The following AACS variants were observed in gnomAD, a reference collection of about 807,000 sequenced individuals.
AACS encodes acetoacetyl-CoA synthetase.
Under a neutral mutation model 83.1 loss-of-function variants are expected in AACS, and 69 were observed. The observed-to-expected ratio is 0.83, with a 90% CI of 0.68 to 1.01. The LOEUF is 1.01. Ranked by LOEUF, AACS falls within the 50% of genes least tolerant of loss-of-function variation. AACS has a pLI of 0.00. For missense variants in AACS, 866 were observed against 882.2 expected, an observed-to-expected ratio of 0.98 and a Z score of 0.23; for synonymous variants, 333 against 343.4, an observed-to-expected ratio of 0.97 and a Z score of 0.33.
Position 125,073,904 on chromosome 12 carries a change from C to T in AACS, c.162C>T (p.Ser54=), listed in dbSNP as rs1231136341. The change falls in exon 2 of 18, where the codon TCC becomes TCT. Residue 54 remains serine (S), a synonymous_variant. Transcript: ENST00000316519. ...GTTATGATGACTTGTACCATTGGTC[C>T]GTTGAGTCATATTCAGACTTCTGGG... ...LESYDDLYHW[S]VESYSDFWAE... The T allele has an allele frequency of 9.9e-6, 16 of 1,613,872 alleles. No individual in the cohort carries two copies. The highest frequency in any genetic ancestry group is 2.2e-5 in the South Asian group (2 of 91,044).
Position 125,076,572 on chromosome 12 carries a change from C to T in AACS, c.319C>T (p.Arg107Trp), listed in dbSNP as rs77474358. 2.0e-5 allele frequency: 32 copies of T among 1,613,962 alleles called. No homozygotes were observed. Among genetic ancestry groups the T allele is most frequent in the East Asian group, 1.8e-4 (8 of 44,896 alleles). ...SRLNYAENLL[R>W]HKENDRVALY... ...GCTCAACTATGCAGAAAACCTCCTGCGGCACAAAGAGAATGACAGAGTTGC... is the reference window on the plus strand; with the variant it reads ...GCTCAACTATGCAGAAAACCTCCTGTGGCACAAAGAGAATGACAGAGTTGC... Residue 107 changes from arginine to tryptophan, a missense_variant, in exon 3 of 18, where the codon CGG becomes TGG. Arg to Trp is a moderately radical substitution (Grantham distance 101). Coordinates refer to ENST00000316519, the MANE Select transcript of AACS (RefSeq NM_023928.5).
At chr12:125,079,817 C>T (rs7311951) in intron 3 of AACS, among the ~76,000 whole-genome samples, 21,279 of 152,084 alleles carry the variant, frequency 0.14, 1,864 homozygotes, top group East Asian at 0.24. Flanking sequence ...AGAACATTTC[C>T]ATTTTCCGAA....
rs1593005301 is a variant in AACS, at chr12:125,129,571, T to C, written c.1549+111T>C. 1 of 1,380,294 alleles carries C rather than the reference T, an allele frequency of 7.2e-7. No individual in the cohort carries two copies. The highest frequency in any genetic ancestry group is 2.4e-5 in the East Asian group (1 of 41,374). 85.5% of individuals were successfully genotyped at this position (1,380,294 alleles called of 1,614,324 possible). A position where few individuals can be genotyped will look rare whatever the true frequency, so the allele number is the denominator to read the frequency against. ...CCCTCTTCCTTCCCCCACCAGGGCT[T>C]GGAGAAGCTGCTTATAGTTCATTCC... On this transcript the variant is annotated intron_variant, in intron 14 of 17. Transcript: ENST00000316519. This position sits in a 1 kb window ranked among gnomAD's most constrained non-coding sequence, Gnocchi z 4.3.
chr12:125,134,763 G>A (rs199760173), intron 15 of AACS, 31 bp from the exon 16 acceptor site: 189 of 1,613,764 alleles, frequency 1.2e-4, no homozygotes, highest in Non-Finnish European at 1.4e-4. Flanking sequence ...CCAGAGCTGC[G>A]GTGTGGCCCT....
At chr12:125,100,617 AG>A (rs1276968385) in intron 5 of AACS, among the ~76,000 whole-genome samples, 2 of 152,236 alleles carry the variant, frequency 1.3e-5, no homozygotes, top group African/African-American at 2.4e-5. Context: ...TCTGAATCCT[AG>A]AACTCTTAGC....
chr12:125,132,976 G>A (rs112811748), intron 14 of AACS, among the ~76,000 whole-genome samples: 3 of 152,218 alleles, frequency 2.0e-5, no homozygotes, highest in African/African-American at 7.2e-5. Flanking sequence ...TGAGGCTGCC[G>A]CCCGTCAGTG....
chr12:125,114,517 G>A lies in AACS; in HGVS notation c.956G>A (p.Gly319Asp). 6.2e-7 allele frequency: 1 copy of A among 1,613,372 alleles called. No individual in the cohort carries two copies. Among genetic ancestry groups the A allele is most frequent in the South Asian group, 1.1e-5 (1 of 91,038 alleles). ...IQHLKEHLLH[G>D]NMTSSDILLC... ...CATCTGAAGGAGCACCTGCTGCACG[G>A]CAACATGACCAGCAGTGACATCCTC... The change falls in exon 9 of 18, where the codon GGC (glycine) becomes GAC (aspartate). Residue 319 changes from glycine to aspartate, a missense_variant. Physicochemically the swap from Gly to Asp is moderately conservative, Grantham distance 94 (BLOSUM62 -1). Transcript: ENST00000316519.
intron 8 of AACS, 83 bp from the exon 9 acceptor site, chr12:125,114,394 T>G: frequency 8.7e-7 from 1 of 1,145,080 alleles, no homozygotes; most frequent in Non-Finnish European, 1.3e-6. Flanking sequence ...TGGCAGCGTC[T>G]GAGCAGCGCG....
At chr12:125,112,644 C>T (rs1215037303) in intron 8 of AACS, among the ~76,000 whole-genome samples, 6 of 133,012 alleles carry the variant, frequency 4.5e-5, no homozygotes. Flanking sequence ...CACACCACTG[C>T]GCTCCAGCCT....
intron 5 of AACS, among the ~76,000 whole-genome samples, chr12:125,093,867 G>A (rs1956545285): frequency 3.3e-5 from 5 of 152,236 alleles, no homozygotes; most frequent in Admixed American, 3.3e-4. Flanking sequence ...CGGTTGGCAG[G>A]GAGTCTGTCG....
Position 125,114,518 on chromosome 12 carries a change from C to T in AACS, c.957C>T (p.Gly319=). Residue 319 remains glycine (G), a synonymous_variant, in exon 9 of 18, where the codon GGC becomes GGT. Coordinates refer to ENST00000316519, the MANE Select transcript of AACS (RefSeq NM_023928.5). ...ATCTGAAGGAGCACCTGCTGCACGG[C>T]AACATGACCAGCAGTGACATCCTCC... ...IQHLKEHLLH[G]NMTSSDILLC... is the part of the protein sequence containing the mutation. 1.2e-6 allele frequency: 2 copies of T among 1,613,520 alleles called. No homozygotes were observed. The highest frequency in any genetic ancestry group is 2.2e-5 in the East Asian group (1 of 44,860).
At chr12:125,105,416 A>G (rs1187842759) in intron 7 of AACS, 1 of 152,064 alleles carries the variant, frequency 6.6e-6, no homozygotes, top group Admixed American at 6.6e-5. Flanking sequence ...CGACCTTAAT[A>G]AATTATAACC....
At chr12:125,136,571 C>G (rs572348837) in intron 16 of AACS, 91 bp from the exon 17 acceptor site, 83 of 1,079,770 alleles carry the variant, frequency 7.7e-5, no homozygotes, top group Non-Finnish European at 1.0e-4. Flanking sequence ...GGGACCCAGC[C>G]TGCCCCTCCT....
chr12:125,124,813 A>G (rs1957219440), intron 11 of AACS, 44 bp downstream of exon 11: 2 of 1,614,080 alleles, frequency 1.2e-6, no homozygotes, highest in Non-Finnish European at 1.7e-6. Context: ...CTGCCAATCA[A>G]GGAAATTAAA....
rs1301665417 is a variant in AACS at position 125,097,963 on chromosome 12, TGCCGTC to T, written c.571-4714_571-4709del. ...GCTAGGCACTGCCATCTCTCACGCG[TGCCGTC>T]GTAGTAGCTTCCGACCAGTCTCATT... On this transcript the variant is annotated intron_variant, in intron 5 of 17. Transcript: ENST00000316519. The surrounding 1 kb of genome is among the most constrained non-coding windows in gnomAD (Gnocchi z 4.3). Among the ~76,000 whole-genome samples, 1 of 152,268 alleles carries T rather than the reference TGCCGTC, an allele frequency of 6.6e-6. No individual in the cohort carries two copies. Among genetic ancestry groups the T allele is most frequent in the Non-Finnish European group, 1.5e-5 (1 of 68,052 alleles).
intron 5 of AACS, among the ~76,000 whole-genome samples, chr12:125,096,294 G>A (rs1956606421): frequency 6.6e-6 from 1 of 152,230 alleles, no homozygotes; most frequent in South Asian, 2.1e-4. Context: ...TGCTTCTAAT[G>A]AGCTCAGACT....
intron 16 of AACS, 21 bp from the exon 17 acceptor site, chr12:125,136,641 C>T: frequency 3.7e-6 from 6 of 1,608,996 alleles, no homozygotes; most frequent in Non-Finnish European, 4.2e-6. Context: ...CGTGAATGTG[C>T]ACCCTCTCCT....
At chr12:125,142,054 G>A in intron 17 of AACS, 38 bp from the exon 18 acceptor site, 1 of 1,612,226 alleles carries the variant, frequency 6.2e-7, no homozygotes, top group Non-Finnish European at 8.5e-7. Flanking sequence ...CCCCCCTTCA[G>A]GTTTAAATGT....
At chr12:125,125,147 T>C in intron 12 of AACS, 123 bp downstream of exon 12, 1 of 1,411,710 alleles carries the variant, frequency 7.1e-7, no homozygotes, top group East Asian at 2.3e-5. Context: ...ATACGCACAG[T>C]CCCTTCTCAT....
Sources: gnomAD v4.1 joint callset for allele counts (sites outside exome capture counted in the v4.1 genomes callset) on GRCh38, gnomAD v4.1.1 for gene constraint, Gnocchi (gnomAD v3.1) non-coding constraint, MANE v1.5 for transcripts, NCBI Gene and HGNC (gene_info 2026-07-23, HGNC 2026-07-21) for gene names.